RGL1: variants seen among roughly 807,000 people sequenced by gnomAD.
RGL1 encodes the protein ral guanine nucleotide dissociation stimulator like 1, also known as ral guanine nucleotide dissociation stimulator-like 1.
Under a neutral mutation model 95.2 loss-of-function variants are expected in RGL1, and 24 were observed. The observed-to-expected ratio is 0.25, with a 90% CI of 0.18 to 0.35. The LOEUF is 0.35. RGL1 is among the 10% of genes least tolerant of loss of function. RGL1 has a pLI of 1.00. For synonymous variants in RGL1, 329 were observed against 344.9 expected (o/e 0.95, Z 0.51); for missense variants, 715 against 936.3 (o/e 0.76, Z 3.08).
intron 2 of RGL1, among the ~76,000 whole-genome samples, chr1:183,780,637 G>T (rs1324239834): frequency 6.6e-6 from 1 of 152,162 alleles, no homozygotes; most frequent in East Asian, 1.9e-4. Context: ...TTGTATACAG[G>T]CTTGAGGATA....
intron 7 of RGL1, among the ~76,000 whole-genome samples, chr1:183,885,274 A>G (rs1203062709): frequency 6.6e-6 from 1 of 152,188 alleles, no homozygotes; most frequent in East Asian, 1.9e-4. Context: ...CACCATGTTC[A>G]GTAAATATAA....
intron 1 of RGL1, among the ~76,000 whole-genome samples, chr1:183,645,257 A>G (rs1311093644): frequency 1.3e-5 from 2 of 152,196 alleles, no homozygotes; most frequent in Non-Finnish European, 2.9e-5. Flanking sequence ...TTTTGTCTTT[A>G]CATGTCAATC....
At chr1:183,917,575 C>T (rs527558597) in intron 16 of RGL1, among the ~76,000 whole-genome samples, 1 of 152,324 alleles carries the variant, frequency 6.6e-6, no homozygotes, top group South Asian at 2.1e-4. Flanking sequence ...TATGGAGGCT[C>T]CACATAAAAG....
At chr1:183,903,329 C>G (rs1356326006) in intron 12 of RGL1, among the ~76,000 whole-genome samples, 2 of 152,016 alleles carry the variant, frequency 1.3e-5, no homozygotes, top group East Asian at 3.9e-4. Context: ...GGAAGGTGTG[C>G]TCAACATCAA....
At chr1:183,899,722 G>T (rs191110227) in intron 10 of RGL1, among the ~76,000 whole-genome samples, 2 of 152,258 alleles carry the variant, frequency 1.3e-5, no homozygotes, top group African/African-American at 2.4e-5. Context: ...AGCCCAAGGG[G>T]TTATATTAAT....
chr1:183,890,624 G>T (rs889923981), intron 8 of RGL1, among the ~76,000 whole-genome samples: 1 of 152,138 alleles, frequency 6.6e-6, no homozygotes, highest in East Asian at 1.9e-4. Flanking sequence ...GGAATATTTT[G>T]CAGGCATAAA....
At chr1:183,828,886 C>T (rs1663066236) in intron 2 of RGL1, among the ~76,000 whole-genome samples, 1 of 152,108 alleles carries the variant, frequency 6.6e-6, no homozygotes, top group Non-Finnish European at 1.5e-5. Context: ...ATAAAATTTG[C>T]CCCTTTCTAT....
chr1:183,707,984 G>A (rs909856038), intron 1 of RGL1, among the ~76,000 whole-genome samples: 24 of 152,158 alleles, frequency 1.6e-4, no homozygotes, highest in African/African-American at 5.1e-4. Context: ...GTGCAAAAAG[G>A]CCTGGACATA....
At chr1:183,760,275 G>A (rs1257917854) in intron 2 of RGL1, among the ~76,000 whole-genome samples, 1 of 152,166 alleles carries the variant, frequency 6.6e-6, no homozygotes, top group Non-Finnish European at 1.5e-5. Context: ...ATGGCTGCTG[G>A]CTGATCAGAG....
intron 2 of RGL1, among the ~76,000 whole-genome samples, chr1:183,742,964 G>C (rs528642969): frequency 6.6e-6 from 1 of 152,150 alleles, no homozygotes; most frequent in Non-Finnish European, 1.5e-5. Flanking sequence ...AGCTTGGGTT[G>C]TGACCATCTT....
At chr1:183,679,400 C>T (rs993110027) in intron 1 of RGL1, among the ~76,000 whole-genome samples, 12 of 148,810 alleles carry the variant, frequency 8.1e-5, no homozygotes, top group Admixed American at 4.1e-4. Flanking sequence ...CCCCCACCCC[C>T]GACAGGCCCC....
Position 183,916,551 on chromosome 1 carries a change from C to T in RGL1, c.1854C>T (p.Asn618=). 6.2e-7 allele frequency: 1 copy of T among 1,613,926 alleles called. No individual in the cohort carries two copies. The highest frequency in any genetic ancestry group is 1.1e-5 in the South Asian group (1 of 91,032). ...INPLSSPPSC[N]NNPKIHKRSV... is the part of the protein sequence containing the mutation. ...CCCTCTCCTCCCCTCCGTCCTGCAACAACAACCCCAAAATCCACAAGCGCT... is the reference window on the plus strand; with the variant it reads ...CCCTCTCCTCCCCTCCGTCCTGCAATAACAACCCCAAAATCCACAAGCGCT... Residue 618 remains asparagine, a synonymous_variant, in exon 16 of 18, where the codon AAC becomes AAT. Transcript: ENST00000360851.
intron 3 of RGL1, among the ~76,000 whole-genome samples, chr1:183,862,970 A>T (rs550336074): frequency 3.3e-5 from 5 of 152,358 alleles, no homozygotes; most frequent in Non-Finnish European, 7.4e-5. Context: ...CTGATGTTAC[A>T]GTTGGTTTGT....
chr1:183,829,434 C>T (rs923460966), intron 2 of RGL1, among the ~76,000 whole-genome samples: 22 of 149,492 alleles, frequency 1.5e-4, no homozygotes, highest in Admixed American at 1.2e-3. Flanking sequence ...GAACAAGACC[C>T]TGCTTAAAAA....
intron 4 of RGL1, among the ~76,000 whole-genome samples, chr1:183,878,568 CA>C (rs1395391580): frequency 6.6e-6 from 1 of 152,074 alleles, no homozygotes; most frequent in African/African-American, 2.4e-5. Context: ...TAACAGTTAA[CA>C]AAAGGTCCTG....
intron 2 of RGL1, among the ~76,000 whole-genome samples, chr1:183,798,505 T>C (rs1271852784): frequency 6.6e-6 from 1 of 151,814 alleles, no homozygotes; most frequent in African/African-American, 2.4e-5. Context: ...CTTCCTCCTT[T>C]ATTATTATTA....
intron 2 of RGL1, among the ~76,000 whole-genome samples, chr1:183,822,926 A>G (rs1662590069): frequency 6.6e-6 from 1 of 152,160 alleles, no homozygotes; most frequent in Admixed American, 6.5e-5. Flanking sequence ...TGCTGTTGCC[A>G]GGGTCTAAAA....
At chr1:183,694,110 G>A (rs1654118474) in intron 1 of RGL1, among the ~76,000 whole-genome samples, 1 of 152,214 alleles carries the variant, frequency 6.6e-6, no homozygotes, top group South Asian at 2.1e-4. Context: ...GGGTGTTGCT[G>A]TGGACATTTG....
At chr1:183,640,427 G>A (rs1649846822) in intron 1 of RGL1, among the ~76,000 whole-genome samples, 1 of 152,128 alleles carries the variant, frequency 6.6e-6, no homozygotes. Context: ...TTGACAAACA[G>A]TGATTTCATC....
Sources: gnomAD v4.1 joint callset for allele counts (sites outside exome capture counted in the v4.1 genomes callset) on GRCh38, gnomAD v4.1.1 for gene constraint, MANE v1.5 for transcripts, NCBI Gene and HGNC (gene_info 2026-07-23, HGNC 2026-07-21) for gene names.